Variants in TASP1 observed in about 807,000 individuals in gnomAD.
TASP1 encodes threonine aspartase 1.
Under a neutral mutation model 56.6 loss-of-function variants are expected in TASP1, and 16 were observed. The observed-to-expected ratio is 0.28, with a 90% CI of 0.19 to 0.43. The LOEUF (loss-of-function observed/expected upper bound fraction) is 0.43, where lower values mean the gene tolerates loss of function less well. Ranked by LOEUF, TASP1 falls within the 20% of genes least tolerant of loss-of-function variation. The pLI is 1.00. For missense variants in TASP1, 393 were observed against 511.6 expected (o/e 0.77, Z 2.24); for synonymous variants, 179 against 184.2 (o/e 0.97, Z 0.23).
intron 4 of TASP1, among the ~76,000 whole-genome samples, chr20:13,600,122 A>G (rs944419682): frequency 6.6e-5 from 10 of 152,228 alleles, no homozygotes; most frequent in Non-Finnish European, 1.5e-4. Context: ...ATCTTGAGAG[A>G]TATTTTTTAA....
the TASP1 span, among the ~76,000 whole-genome samples, chr20:13,218,954 A>G: frequency 6.6e-6 from 1 of 152,246 alleles, no homozygotes; most frequent in African/African-American, 2.4e-5. Flanking sequence ...TTTTACAAAG[A>G]CTTTGATCTC....
At chr20:13,471,991 T>C (rs6109903) in intron 11 of TASP1, among the ~76,000 whole-genome samples, 68,291 of 151,602 alleles carry the variant, frequency 0.45, 15,541 homozygotes, top group Non-Finnish European at 0.47. Flanking sequence ...GAAAAGACTA[T>C]TTTAAAGTTC....
At chr20:13,284,823 A>T in the TASP1 span, among the ~76,000 whole-genome samples, 1 of 152,188 alleles carries the variant, frequency 6.6e-6, no homozygotes, top group African/African-American at 2.4e-5. Flanking sequence ...ATATGAAAAA[A>T]ATGTTTGGAA....
chr20:13,569,484 A>AT lies in TASP1; in HGVS notation c.568+22dup, dbSNP rs759680118. ...TAGGTATATATGCTCATATAGCTTA[A>AT]TTTTTTTTAAGTTTTTACTCACTTG... On this transcript the variant is annotated intron_variant, in intron 7 of 13. Transcript: ENST00000337743. The AT allele has an allele frequency of 1.2e-4, 184 of 1,595,938 alleles. 1 individual carries two copies. In the East Asian group the frequency reaches 3.2e-3, roughly 28 times the overall value.
At chr20:13,462,869 A>C (rs1420327837) in intron 11 of TASP1, among the ~76,000 whole-genome samples, 1 of 152,146 alleles carries the variant, frequency 6.6e-6, no homozygotes, top group African/African-American at 2.4e-5. Context: ...TTTAAAAATA[A>C]ATTAAAGGTA....
the TASP1 span, among the ~76,000 whole-genome samples, chr20:13,352,386 G>A: frequency 6.6e-6 from 1 of 151,036 alleles, no homozygotes; most frequent in Non-Finnish European, 1.5e-5. Context: ...AGAGGCAGAG[G>A]TAGCAGTAAG....
intron 4 of TASP1, among the ~76,000 whole-genome samples, chr20:13,588,300 AGG>A (rs2047390257): frequency 1.2e-3 from 152 of 122,840 alleles, no homozygotes; most frequent in Middle Eastern, 8.6e-3. Context: ...GAAGGAAGGA[AGG>A]AAGGAAGAGA....
intron 8 of TASP1, among the ~76,000 whole-genome samples, chr20:13,536,321 C>T (rs990136971): frequency 2.6e-5 from 4 of 152,280 alleles, no homozygotes; most frequent in East Asian, 1.9e-4. Context: ...TATTTATAGG[C>T]ACAAATCTGC....
the TASP1 span, among the ~76,000 whole-genome samples, chr20:13,331,589 AT>A: frequency 6.6e-6 from 1 of 151,506 alleles, no homozygotes; most frequent in Non-Finnish European, 1.5e-5. Context: ...AATTCCTGTG[AT>A]TTGTGCTATA....
intron 10 of TASP1, among the ~76,000 whole-genome samples, chr20:13,493,843 A>C (rs2043628034): frequency 6.6e-6 from 1 of 152,204 alleles, no homozygotes; most frequent in Non-Finnish European, 1.5e-5. Flanking sequence ...ACAGGAGATA[A>C]AGCAGAACCT....
intron 11 of TASP1, among the ~76,000 whole-genome samples, chr20:13,448,665 C>T (rs958760396): frequency 6.6e-6 from 1 of 152,064 alleles, no homozygotes; most frequent in African/African-American, 2.4e-5. Context: ...TTAAAAGGAT[C>T]GCTTATGCCT....
At chr20:13,537,806 T>C (rs895813227) in intron 8 of TASP1, among the ~76,000 whole-genome samples, 4 of 152,156 alleles carry the variant, frequency 2.6e-5, no homozygotes, top group Admixed American at 2.6e-4. Context: ...AAGTAACCAA[T>C]AAATAAGCAG....
the TASP1 span, among the ~76,000 whole-genome samples, chr20:13,230,172 C>G: frequency 6.6e-6 from 1 of 152,178 alleles, no homozygotes; most frequent in East Asian, 1.9e-4. Flanking sequence ...AGCAAATAAT[C>G]TCAATAACAT....
intron 13 of TASP1, among the ~76,000 whole-genome samples, chr20:13,394,992 C>A (rs2041469460): frequency 6.6e-6 from 1 of 152,108 alleles, no homozygotes; most frequent in African/African-American, 2.4e-5. Flanking sequence ...TGCCTGATAA[C>A]CTAATCACAA....
At chr20:13,164,901 G>A in the TASP1 span, 477 of 1,553,856 alleles carry the variant, frequency 3.1e-4, 2 homozygotes, top group Non-Finnish European at 4.0e-5. Flanking sequence ...TAAAGACTTT[G>A]CGAGAAAGAC....
chr20:13,254,186 T>A, the TASP1 span, among the ~76,000 whole-genome samples: 1 of 151,494 alleles, frequency 6.6e-6, no homozygotes, highest in East Asian at 1.9e-4. Context: ...TGAGCCAAGA[T>A]CACGTCACTG....
At chr20:13,579,186 A>G (rs1287381234) in intron 6 of TASP1, among the ~76,000 whole-genome samples, 1 of 152,216 alleles carries the variant, frequency 6.6e-6, no homozygotes, top group Non-Finnish European at 1.5e-5. Flanking sequence ...TTAAATGCAC[A>G]TTACAGAGAA....
At chr20:13,246,263 A>C in the TASP1 span, among the ~76,000 whole-genome samples, 1 of 134,970 alleles carries the variant, frequency 7.4e-6, no homozygotes. Context: ...ACACAGCGAG[A>C]CTCCATCTCA....
At chr20:13,124,950 A>G in the TASP1 span, among the ~76,000 whole-genome samples, 1 of 152,232 alleles carries the variant, frequency 6.6e-6, no homozygotes, top group Non-Finnish European at 1.5e-5. Context: ...CATAGCGAAG[A>G]CACCTGCCTA....
Sources: gnomAD v4.1 joint callset for allele counts (sites outside exome capture counted in the v4.1 genomes callset) on GRCh38, gnomAD v4.1.1 for gene constraint, MANE v1.5 for transcripts, NCBI Gene and HGNC (gene_info 2026-07-23, HGNC 2026-07-21) for gene names.